XKR3: variants seen among roughly 807,000 people sequenced by gnomAD.
XKR3 encodes XK-related protein 3.
In XKR3, 27 loss-of-function variants were observed where a neutral mutation model predicts 40.3. The ratio of observed to expected loss-of-function variants is 0.67; its 90% CI spans 0.49 to 0.92. The LOEUF (loss-of-function observed/expected upper bound fraction) is 0.92, where lower values mean the gene tolerates loss of function less well. XKR3 is among the 40% of genes least tolerant of loss of function. The pLI, the probability that XKR3 is intolerant of heterozygous loss-of-function variation, is 0.00. For synonymous variants in XKR3, 193 were observed against 195.4 expected, an observed-to-expected ratio of 0.99 and a Z score of 0.10; for missense variants, 472 against 537.6, an observed-to-expected ratio of 0.88 and a Z score of 1.21.
chr22:16,803,084 A>G (rs1426818127), intron 2 of XKR3, among the ~76,000 whole-genome samples: 1 of 151,586 alleles, frequency 6.6e-6, no homozygotes, highest in African/African-American at 2.4e-5. Flanking sequence ...TGACATATAT[A>G]TATATATACA....
rs147617093 is a variant in XKR3 at position 16,803,620 on chromosome 22, G to A, written c.336-3596C>T. Among the ~76,000 whole-genome samples the A allele has an allele frequency of 2.1e-4, 32 of 152,214 alleles. 1 individual carries two copies. Among genetic ancestry groups the A allele is most frequent in the Admixed American group, 4.6e-4 (7 of 15,286 alleles). ...CATAATGAACTTCCTAATAAAACAG[G>A]TTGCAGCAAAGGAGCCAGTCAAAAT... is the stretch of plus-strand genomic sequence containing the variant. On this transcript the variant is annotated intron_variant, in intron 2 of 3. Coordinates refer to ENST00000684488, the MANE Select transcript of XKR3 (RefSeq NM_001386955.1).
intron 1 of XKR3, among the ~76,000 whole-genome samples, chr22:16,813,055 C>A (rs2060219007): frequency 6.6e-6 from 1 of 152,060 alleles, no homozygotes; most frequent in African/African-American, 2.4e-5. Context: ...GAGGCCGAGG[C>A]GGGTGGATCA....
chr22:16,783,762 TACGTCCTGGCAAC>T lies in XKR3; in HGVS notation c.1224_1236del (p.Pro410LysfsTer11). 3 of 1,614,220 alleles carry T rather than the reference TACGTCCTGGCAAC, an allele frequency of 1.9e-6. No homozygotes were observed. The highest frequency in any genetic ancestry group is 2.5e-6 in the Non-Finnish European group (3 of 1,180,050). ...TACGGTGCTTCTGGCTGATTTTCAG[TACGTCCTGGCAAC>T]ACTTTGCCTGACTGCCATGGGTACA... On this transcript the variant is annotated frameshift_variant, in exon 4 of 4. Coordinates refer to ENST00000684488, the MANE Select transcript of XKR3 (RefSeq NM_001386955.1). LOFTEE classifies it high-confidence loss of function.
intron 1 of XKR3, among the ~76,000 whole-genome samples, chr22:16,808,685 C>T (rs980848300): frequency 5.9e-5 from 9 of 152,014 alleles, no homozygotes; most frequent in African/African-American, 2.2e-4. Context: ...GACTGCATGG[C>T]AATAGTAGGT....
Position 16,783,929 on chromosome 22 carries a change from A to G in XKR3, c.1070T>C (p.Ile357Thr). The G allele has an allele frequency of 6.2e-7, 1 of 1,614,246 alleles. No homozygotes were observed. The highest frequency in any genetic ancestry group is 8.5e-7 in the Non-Finnish European group (1 of 1,180,050). ...AAAGAACCTAAATACCAATATCATTATCACATTTTCTAAAAACTGAAAGCT... is the reference window on the plus strand; with the variant it reads ...AAAGAACCTAAATACCAATATCATTGTCACATTTTCTAAAAACTGAAAGCT... ...HYSFQFLENV[I>T]MILVFRFFGG... is the part of the protein sequence containing the mutation. Residue 357 changes from isoleucine (I) to threonine (T), a missense_variant, in exon 4 of 4, where the codon ATA becomes ACA. Ile to Thr is a moderately conservative substitution (Grantham distance 89). Transcript: ENST00000684488.
chr22:16,805,245 A>C (rs1324293669), intron 2 of XKR3, among the ~76,000 whole-genome samples: 1 of 152,228 alleles, frequency 6.6e-6, no homozygotes, highest in Non-Finnish European at 1.5e-5. Flanking sequence ...GTTTCAGTAC[A>C]CAACATCTGT....
chr22:16,796,018 C>A (rs1421345512), intron 3 of XKR3, among the ~76,000 whole-genome samples: 1 of 151,900 alleles, frequency 6.6e-6, no homozygotes, highest in Non-Finnish European at 1.5e-5. Context: ...ACAATATAGG[C>A]TATATATGAC....
intron 2 of XKR3, among the ~76,000 whole-genome samples, chr22:16,801,967 T>A (rs117041709): frequency 0.016 from 2,451 of 152,252 alleles, 24 homozygotes; most frequent in Non-Finnish European, 0.026. Flanking sequence ...AAGGAGACAT[T>A]GTTAAAATTT....
Position 16,807,923 on chromosome 22 carries a change from C to T in XKR3, c.151G>A (p.Gly51Ser), listed in dbSNP as rs766695721. The T allele has an allele frequency of 2.5e-5, 41 of 1,613,772 alleles. No individual in the cohort carries two copies. The Middle Eastern group carries it at 6.6e-4, about 26-fold the overall frequency. The change falls in exon 2 of 4, where the codon GGT becomes AGT. Residue 51 changes from glycine (G) to serine (S), a missense_variant. Transcript: ENST00000684488. ...CGATAAATTTCAAACATGTATAAAC[C>T]AAAGGCAACCTCACCACAGTAGAGA... Reference protein sequence around the residue: ...TVLYCGEVAFGLYMFEIYRKA... With the variant: ...TVLYCGEVAFSLYMFEIYRKA...
rs530151636 is a variant in XKR3 at position 16,806,288 on chromosome 22, T to TTAAG, written c.335+1450_335+1451insCTTA. 5.6e-3 allele frequency among the ~76,000 whole-genome samples: 504 copies of TTAAG among 90,254 alleles called. 3 individuals carry two copies. The highest frequency in any genetic ancestry group is 0.026 in the East Asian group (96 of 3,632). 59.2% of individuals were successfully genotyped at this position (90,254 alleles called of 152,430 possible). A position where few individuals can be genotyped will look rare whatever the true frequency, so the allele number is the denominator to read the frequency against. On this transcript the variant is annotated intron_variant, in intron 2 of 3. Coordinates refer to ENST00000684488, the MANE Select transcript of XKR3 (RefSeq NM_001386955.1). ...AAAAAAAAAGAAAAAAGTCAATTAA[T>TTAAG]CAATACTTTCTTATTTAGCTCGTGA...
Position 16,784,260 on chromosome 22 carries a change from T to C in XKR3, c.739A>G (p.Ile247Val), listed in dbSNP as rs1209239093. ...CVVMWRFLEV[I>V]SRVVTLAFFI... ...AATGCCAGAGTCACTACACGTGAGATAACCTCCAAAAAACGCCACATCACG... is the reference window on the plus strand; with the variant it reads ...AATGCCAGAGTCACTACACGTGAGACAACCTCCAAAAAACGCCACATCACG... Residue 247 changes from isoleucine to valine, a missense_variant, in exon 4 of 4, where the codon ATC becomes GTC. Coordinates refer to ENST00000684488, the MANE Select transcript of XKR3 (RefSeq NM_001386955.1). The C allele has an allele frequency of 6.2e-7, 1 of 1,614,042 alleles. No individual in the cohort carries two copies. The highest frequency in any genetic ancestry group is 2.2e-5 in the East Asian group (1 of 44,898).
At chr22:16,806,004 T>A (rs543741800) in intron 2 of XKR3, among the ~76,000 whole-genome samples, 2 of 152,298 alleles carry the variant, frequency 1.3e-5, no homozygotes, top group Non-Finnish European at 2.9e-5. Context: ...CCTGAGAGTT[T>A]CTCAAATGTC....
At chr22:16,816,811 T>A (rs1029027037) in intron 1 of XKR3, among the ~76,000 whole-genome samples, 1 of 152,044 alleles carries the variant, frequency 6.6e-6, no homozygotes, top group African/African-American at 2.4e-5. Flanking sequence ...GAGCTCAATT[T>A]TTATTAACTT....
chr22:16,804,538 T>C (rs112280869), intron 2 of XKR3, among the ~76,000 whole-genome samples: 6 of 152,300 alleles, frequency 3.9e-5, no homozygotes, highest in African/African-American at 1.4e-4. Context: ...TCTGAAGAGA[T>C]TAACTGAAAG....
At chr22:16,799,042 A>T (rs959396498) in intron 3 of XKR3, among the ~76,000 whole-genome samples, 1 of 152,066 alleles carries the variant, frequency 6.6e-6, no homozygotes, top group African/African-American at 2.4e-5. Flanking sequence ...ATACAGAACT[A>T]TTTGCCTGGT....
intron 3 of XKR3, among the ~76,000 whole-genome samples, chr22:16,796,524 T>C (rs2060141652): frequency 6.6e-6 from 1 of 152,162 alleles, no homozygotes; most frequent in Admixed American, 6.5e-5. Context: ...ACAGTAGGCT[T>C]TCTTCCTGGA....
intron 1 of XKR3, among the ~76,000 whole-genome samples, chr22:16,819,440 A>T (rs981467880): frequency 2.0e-5 from 3 of 152,176 alleles, no homozygotes; most frequent in African/African-American, 4.8e-5. Flanking sequence ...AAGGAAGCCC[A>T]GAAATAGAGT....
intron 1 of XKR3, among the ~76,000 whole-genome samples, chr22:16,823,447 G>C (rs2060264116): frequency 6.6e-6 from 1 of 152,196 alleles, no homozygotes. Context: ...TGAAATATGA[G>C]AGAAGAGATT....
rs768145384 is a variant in XKR3, at chr22:16,784,301, A to G, written c.698T>C (p.Ile233Thr). Reference sequence around the variant, plus strand: ...CCACATCACGACACAGAAGAATTCTATCGGCGGTAGCTTAATGGTAGTATC... The same window carrying G: ...CCACATCACGACACAGAAGAATTCTGTCGGCGGTAGCTTAATGGTAGTATC... Reference protein sequence around the residue: ...NDDTTIKLPPIEFFCVVMWRF... With the variant: ...NDDTTIKLPPTEFFCVVMWRF... The change falls in exon 4 of 4, where the codon ATA (isoleucine) becomes ACA (threonine). Residue 233 changes from isoleucine (I) to threonine (T), a missense_variant. Ile to Thr is a moderately conservative substitution (Grantham distance 89). Transcript: ENST00000684488. The G allele has an allele frequency of 4.3e-6, 7 of 1,614,100 alleles. No individual in the cohort carries two copies. Among genetic ancestry groups the G allele is most frequent in the South Asian group, 1.1e-5 (1 of 91,086 alleles).
Sources: allele counts gnomAD v4.1 joint callset (sites outside exome capture counted in the v4.1 genomes callset), GRCh38; gene constraint gnomAD v4.1.1; transcripts MANE v1.5; gene names NCBI Gene and HGNC (gene_info 2026-07-23, HGNC 2026-07-21).